The following PRKAG2 variants were observed in gnomAD, a reference collection of about 807,000 sequenced individuals.
PRKAG2 encodes the protein 5'-AMP-activated protein kinase subunit gamma-2.
Under a neutral mutation model 69.6 loss-of-function variants are expected in PRKAG2, and 26 were observed. That is an observed-to-expected ratio of 0.37 (90% CI 0.27 to 0.52). The LOEUF is 0.52. Among genes scored for constraint, PRKAG2 ranks in the 20% least tolerant of loss-of-function variants. The pLI, the probability that PRKAG2 is intolerant of heterozygous loss-of-function variation, is 0.90. For synonymous variants in PRKAG2, 293 were observed against 285.0 expected, an observed-to-expected ratio of 1.03 and a Z score of -0.28; for missense variants, 557 against 740.0, an observed-to-expected ratio of 0.75 and a Z score of 2.87.
intron 3 of PRKAG2, among the ~76,000 whole-genome samples, chr7:151,749,976 A>G (rs2074555563): frequency 6.6e-6 from 1 of 151,842 alleles, no homozygotes; most frequent in African/African-American, 2.4e-5. Context: ...ACATGCTCAT[A>G]GCCCCAGCTA....
At chr7:151,820,152 A>C (rs1000420637) in intron 1 of PRKAG2, among the ~76,000 whole-genome samples, 1 of 152,234 alleles carries the variant, frequency 6.6e-6, no homozygotes, top group African/African-American at 2.4e-5. Context: ...TGCAGGGAGC[A>C]GAAGTGAGAG....
At chr7:151,701,108 G>A (rs1270834893) in intron 3 of PRKAG2, among the ~76,000 whole-genome samples, 3 of 152,152 alleles carry the variant, frequency 2.0e-5, no homozygotes, top group Admixed American at 2.0e-4. Context: ...ACTCCTCAGG[G>A]GCTGCCCCCC....
chr7:151,597,827 C>CCCA (rs1554482740), intron 5 of PRKAG2, among the ~76,000 whole-genome samples: 1 of 149,042 alleles, frequency 6.7e-6, no homozygotes, highest in African/African-American at 2.5e-5. Context: ...GGAGCCCCCC[C>CCCA]CCCCGCTCTT....
At position 151,830,623 on chromosome 7, in the gene PRKAG2, G is replaced by T. The variant is rs528126091; in HGVS notation, c.115-44082C>A. Among the ~76,000 whole-genome samples, 59 of 151,984 alleles carry T rather than the reference G, an allele frequency of 3.9e-4. 2 individuals are homozygous for T. The highest frequency in any genetic ancestry group is 6.3e-4 in the Non-Finnish European group (43 of 67,884). On this transcript the variant is annotated intron_variant, in intron 1 of 15. Transcript: ENST00000287878. ...CCATCTGTGCCTCCCCGGCCCTCCC[G>T]CGATGGGACTCATGAGGGGCAGCAA...
intron 3 of PRKAG2, among the ~76,000 whole-genome samples, chr7:151,709,554 TTGA>T (rs953841704): frequency 6.6e-6 from 1 of 151,716 alleles, no homozygotes; most frequent in Non-Finnish European, 1.5e-5. Flanking sequence ...TTGAGTGACT[TTGA>T]TATTTGTGAC....
Position 151,807,411 on chromosome 7 carries a change from A to G in PRKAG2, c.115-20870T>C. 1 of 457,754 alleles carries G rather than the reference A, an allele frequency of 2.2e-6. No homozygotes were observed. Among genetic ancestry groups the G allele is most frequent in the Non-Finnish European group, 4.4e-6 (1 of 226,924 alleles). The allele number at this position is 457,754 out of a possible 1,614,324, so 28.4% of individuals were successfully genotyped here. ...TCAGGAAGCAGCTGTGCTGTGGGTG[A>G]CGGTCATACTTTATTCTCTAAAACT... On this transcript the variant is annotated intron_variant, in intron 1 of 15. Coordinates refer to ENST00000287878, the MANE Select transcript of PRKAG2 (RefSeq NM_016203.4). The surrounding 1 kb of genome is among the most constrained non-coding windows in gnomAD (Gnocchi z 4.4).
At chr7:151,633,422 A>G (rs2151333275) in intron 4 of PRKAG2, among the ~76,000 whole-genome samples, 1 of 152,264 alleles carries the variant, frequency 6.6e-6, no homozygotes, top group African/African-American at 2.4e-5. Context: ...CAATAAGGCA[A>G]GAAAAGGAAA....
chr7:151,753,107 C>T (rs955457198), intron 3 of PRKAG2, among the ~76,000 whole-genome samples: 1 of 152,244 alleles, frequency 6.6e-6, no homozygotes, highest in African/African-American at 2.4e-5. Flanking sequence ...GGCCGTTGTC[C>T]TCCTGAAAAG....
At chr7:151,605,808 C>T (rs959806212) in intron 5 of PRKAG2, among the ~76,000 whole-genome samples, 1 of 152,012 alleles carries the variant, frequency 6.6e-6, no homozygotes, top group East Asian at 1.9e-4. Context: ...CATGATAGCA[C>T]GCACCTGTAA....
At chr7:151,760,852 C>T (rs967295324) in intron 3 of PRKAG2, among the ~76,000 whole-genome samples, 15 of 152,186 alleles carry the variant, frequency 9.9e-5, no homozygotes, top group African/African-American at 2.7e-4. Context: ...CCATGATTGC[C>T]TTCAGCCAAA....
chr7:151,667,979 T>C (rs1831294221), intron 4 of PRKAG2, among the ~76,000 whole-genome samples: 1 of 152,238 alleles, frequency 6.6e-6, no homozygotes, highest in Admixed American at 6.5e-5. Context: ...TGATGTAGTA[T>C]CAGCTATGGT....
At chr7:151,762,841 C>T (rs1233079177) in intron 3 of PRKAG2, among the ~76,000 whole-genome samples, 2 of 152,334 alleles carry the variant, frequency 1.3e-5, no homozygotes, top group South Asian at 2.1e-4. Context: ...CATTCAGACA[C>T]ATGCCCACAG....
chr7:151,876,965 G>T lies in PRKAG2; in HGVS notation c.-345C>A. 1 of 393,670 alleles carries T rather than the reference G, an allele frequency of 2.5e-6. No homozygotes were observed. Among genetic ancestry groups the T allele is most frequent in the Non-Finnish European group, 4.8e-6 (1 of 208,724 alleles). The allele number at this position is 393,670 out of a possible 1,614,324, so 24.4% of individuals were successfully genotyped here. On this transcript the variant is annotated 5_prime_UTR_variant, in exon 1 of 16. Coordinates refer to ENST00000287878, the MANE Select transcript of PRKAG2 (RefSeq NM_016203.4). ...CTAAGAAACATTTTCCACCCTCTCG[G>T]CTCCTCCCACAGATTCCCAGAGGTA...
At chr7:151,658,026 C>T (rs1300921345) in intron 4 of PRKAG2, among the ~76,000 whole-genome samples, 4 of 151,824 alleles carry the variant, frequency 2.6e-5, no homozygotes, top group South Asian at 2.1e-4. Context: ...GGCATGGTGG[C>T]GCACGCATGT....
chr7:151,580,081 T>A (rs1287729682), intron 6 of PRKAG2, among the ~76,000 whole-genome samples: 1 of 152,174 alleles, frequency 6.6e-6, no homozygotes, highest in Non-Finnish European at 1.5e-5. Context: ...CACTGGCTCA[T>A]GCCTGTAATC....
intron 3 of PRKAG2, chr7:151,736,017 G>C (rs1448242013): frequency 4.9e-5 from 75 of 1,536,066 alleles, no homozygotes; most frequent in Non-Finnish European, 6.5e-5. Context: ...CACAGGAGTG[G>C]CGACAGGTGA....
chr7:151,640,392 G>C (rs1826475318), intron 4 of PRKAG2, among the ~76,000 whole-genome samples: 1 of 152,004 alleles, frequency 6.6e-6, no homozygotes, highest in Admixed American at 6.6e-5. Context: ...GGATTTTCTT[G>C]GCAAACTCCT....
chr7:151,849,317 T>C (rs571250671), intron 1 of PRKAG2, among the ~76,000 whole-genome samples: 1 of 152,348 alleles, frequency 6.6e-6, no homozygotes, highest in South Asian at 2.1e-4. Context: ...TAGGCTCTGT[T>C]TTCTGGAACT....
At chr7:151,603,979 G>A (rs897491669) in intron 5 of PRKAG2, among the ~76,000 whole-genome samples, 9 of 152,110 alleles carry the variant, frequency 5.9e-5, no homozygotes, top group Admixed American at 4.6e-4. Flanking sequence ...GGTTAGGAGC[G>A]GTCAGAGGCT....
Sources: allele counts gnomAD v4.1 joint callset (sites outside exome capture counted in the v4.1 genomes callset), GRCh38; gene constraint gnomAD v4.1.1; non-coding constraint Gnocchi (gnomAD v3.1); transcripts MANE v1.5; gene names NCBI Gene and HGNC (gene_info 2026-07-23, HGNC 2026-07-21).